GALNT10: variants seen among roughly 807,000 people sequenced by gnomAD.
GALNT10 encodes the protein polypeptide N-acetylgalactosaminyltransferase 10.
A neutral mutation model predicts 75.0 loss-of-function variants in GALNT10; 41 were observed. The observed-to-expected ratio is 0.55, with a 90% CI of 0.43 to 0.71. GALNT10 has a LOEUF of 0.71. Ranked by LOEUF, GALNT10 falls within the 30% of genes least tolerant of loss-of-function variation. The pLI is 0.00. For synonymous variants in GALNT10, 302 were observed against 313.0 expected, an observed-to-expected ratio of 0.96 and a Z score of 0.37; for missense variants, 727 against 818.5, an observed-to-expected ratio of 0.89 and a Z score of 1.36.
chr5:154,285,826 G>A (rs983005212), intron 1 of GALNT10, among the ~76,000 whole-genome samples: 1 of 152,068 alleles, frequency 6.6e-6, no homozygotes, highest in Non-Finnish European at 1.5e-5. Flanking sequence ...AGGAAAGACA[G>A]AATCCTCACC....
chr5:154,337,481 A>G (rs1381128734), intron 4 of GALNT10: 1 of 721,560 alleles, frequency 1.4e-6, no homozygotes, highest in Admixed American at 1.8e-5. Context: ...ATCTCCTGCC[A>G]CTGCCATGGC....
intron 1 of GALNT10, among the ~76,000 whole-genome samples, chr5:154,271,792 T>C (rs56964148): frequency 0.18 from 26,944 of 152,086 alleles, 2,544 homozygotes; most frequent in African/African-American, 0.21. Flanking sequence ...CACGCTGAGG[T>C]TCAGGTCATC....
In GALNT10 at chr5:154,402,186, AG is replaced by A. The variant is rs1756181750; in HGVS notation, c.1057-1915del. Reference sequence around the variant, plus strand: ...TGAAGACTCCTTGTTCTGCCCCGTGAGGGCCCTGCGGGAGCCCTGCCCGCGT... The same window carrying A: ...TGAAGACTCCTTGTTCTGCCCCGTGAGGCCCTGCGGGAGCCCTGCCCGCGT... On this transcript the variant is annotated intron_variant, in intron 7 of 11. Coordinates refer to ENST00000297107, the MANE Select transcript of GALNT10 (RefSeq NM_198321.4). The surrounding 1 kb of genome is among the most constrained non-coding windows in gnomAD (Gnocchi z 4.2). 3.3e-5 allele frequency among the ~76,000 whole-genome samples: 5 copies of A among 152,254 alleles called. No homozygotes were observed. In the South Asian group the frequency reaches 1.0e-3, roughly 32 times the overall value.
At chr5:154,258,114 T>G (rs1448722154) in intron 1 of GALNT10, among the ~76,000 whole-genome samples, 1 of 152,076 alleles carries the variant, frequency 6.6e-6, no homozygotes, top group Non-Finnish European at 1.5e-5. Context: ...TGAAATAGAG[T>G]GCAAAATTCT....
chr5:154,218,800 A>G (rs1752922719), intron 1 of GALNT10, among the ~76,000 whole-genome samples: 1 of 152,164 alleles, frequency 6.6e-6, no homozygotes, highest in Non-Finnish European at 1.5e-5. Context: ...AAAGGTAATC[A>G]TACCTGTGGG....
intron 10 of GALNT10, among the ~76,000 whole-genome samples, chr5:154,414,855 G>T (rs572003762): frequency 6.6e-6 from 1 of 152,182 alleles, no homozygotes; most frequent in Admixed American, 6.5e-5. Flanking sequence ...CAGGCACGGT[G>T]GCTCACGCCT....
chr5:154,301,760 G>A (rs1754363498), intron 3 of GALNT10, among the ~76,000 whole-genome samples: 1 of 152,136 alleles, frequency 6.6e-6, no homozygotes, highest in Non-Finnish European at 1.5e-5. Flanking sequence ...TACATTTTAT[G>A]TATTATGAGC....
chr5:154,207,673 G>A (rs1775132125), intron 1 of GALNT10, among the ~76,000 whole-genome samples: 1 of 152,186 alleles, frequency 6.6e-6, no homozygotes, highest in East Asian at 1.9e-4. Context: ...GCCAGACAGG[G>A]AAATGGCTGG....
chr5:154,377,978 G>C (rs557102049), intron 5 of GALNT10, among the ~76,000 whole-genome samples: 3 of 152,208 alleles, frequency 2.0e-5, no homozygotes, highest in Non-Finnish European at 4.4e-5. Context: ...AGCTGAGCTT[G>C]TAGTCTAAAT....
At chr5:154,369,543 C>T (rs1293701864) in intron 4 of GALNT10, among the ~76,000 whole-genome samples, 1 of 152,206 alleles carries the variant, frequency 6.6e-6, no homozygotes, top group Non-Finnish European at 1.5e-5. Flanking sequence ...GTTGGAAACA[C>T]CGGAGTATCA....
At chr5:154,249,506 C>CT (rs1753482000) in intron 1 of GALNT10, among the ~76,000 whole-genome samples, 1 of 152,070 alleles carries the variant, frequency 6.6e-6, no homozygotes, top group Non-Finnish European at 1.5e-5. Flanking sequence ...CTTCCATTCT[C>CT]TCCTACTCTT....
chr5:154,267,794 T>C (rs752741265), intron 1 of GALNT10, among the ~76,000 whole-genome samples: 2 of 152,192 alleles, frequency 1.3e-5, no homozygotes, highest in Non-Finnish European at 2.9e-5. Flanking sequence ...AAGTACACAA[T>C]GAACTTGCAA....
chr5:154,240,281 G>A (rs1333745295), intron 1 of GALNT10, among the ~76,000 whole-genome samples: 1 of 152,146 alleles, frequency 6.6e-6, no homozygotes, highest in African/African-American at 2.4e-5. Flanking sequence ...CAGTCCTAGT[G>A]TCCTCACCTA....
intron 6 of GALNT10, among the ~76,000 whole-genome samples, chr5:154,381,739 G>A (rs1755738106): frequency 6.6e-6 from 1 of 152,118 alleles, no homozygotes; most frequent in African/African-American, 2.4e-5. Flanking sequence ...CATGGCCCCT[G>A]CCTCCAACTT....
chr5:154,366,434 T>C (rs1474918325), intron 4 of GALNT10, among the ~76,000 whole-genome samples: 1 of 151,910 alleles, frequency 6.6e-6, no homozygotes, highest in African/African-American at 2.4e-5. Context: ...AGCTACGAGG[T>C]AAAAATAAAA....
At chr5:154,324,345 G>A (rs1431965790) in intron 3 of GALNT10, among the ~76,000 whole-genome samples, 2 of 152,200 alleles carry the variant, frequency 1.3e-5, no homozygotes, top group Non-Finnish European at 2.9e-5. Flanking sequence ...ACTAATTGAT[G>A]CTTGGATATA....
intron 1 of GALNT10, among the ~76,000 whole-genome samples, chr5:154,246,679 A>G (rs941869547): frequency 4.6e-5 from 7 of 152,196 alleles, no homozygotes; most frequent in Admixed American, 2.6e-4. Flanking sequence ...TTGTAAATTT[A>G]TCTGAGTTCA....
intron 1 of GALNT10, among the ~76,000 whole-genome samples, chr5:154,251,775 A>G (rs1433753994): frequency 2.0e-5 from 3 of 152,090 alleles, no homozygotes; most frequent in Non-Finnish European, 4.4e-5. Flanking sequence ...TCTCTAAGAA[A>G]CTGCTTGGTT....
chr5:154,196,445 T>C (rs1313170522), intron 1 of GALNT10, among the ~76,000 whole-genome samples: 1 of 152,180 alleles, frequency 6.6e-6, no homozygotes, highest in African/African-American at 2.4e-5. Context: ...ATATATTGGC[T>C]CCTGTGACTG....
Sources: gnomAD v4.1 joint callset for allele counts (sites outside exome capture counted in the v4.1 genomes callset) on GRCh38, gnomAD v4.1.1 for gene constraint, Gnocchi (gnomAD v3.1) non-coding constraint, MANE v1.5 for transcripts, NCBI Gene and HGNC (gene_info 2026-07-23, HGNC 2026-07-21) for gene names.